The following CAB39L variants were observed in gnomAD, a reference collection of about 807,000 sequenced individuals.
The protein encoded by CAB39L is calcium binding protein 39 like.
In CAB39L, 23 loss-of-function variants were observed where a neutral mutation model predicts 39.1. That is an observed-to-expected ratio of 0.59 (90% CI 0.42 to 0.83). The LOEUF is 0.83. Among genes scored for constraint, CAB39L ranks in the 40% least tolerant of loss-of-function variants. The pLI, the probability that CAB39L is intolerant of heterozygous loss-of-function variation, is 0.00. For missense variants in CAB39L, 366 were observed against 391.9 expected (o/e 0.93, Z 0.56); for synonymous variants, 126 against 137.2 (o/e 0.92, Z 0.57).
chr13:49,334,619 C>T (rs568225715), intron 9 of CAB39L, among the ~76,000 whole-genome samples: 4 of 152,136 alleles, frequency 2.6e-5, no homozygotes, highest in Non-Finnish European at 5.9e-5. Context: ...TATTTGTGAC[C>T]CTGTTTAAAG....
At chr13:49,319,174 G>T (rs780594413) in intron 10 of CAB39L, among the ~76,000 whole-genome samples, 2 of 152,076 alleles carry the variant, frequency 1.3e-5, no homozygotes, top group African/African-American at 2.4e-5. Flanking sequence ...AACCTGGGAG[G>T]TAGAGGTTGC....
chr13:49,377,223 T>A (rs1956094349), intron 4 of CAB39L, 92 bp from the exon 5 acceptor site: 6 of 1,000,206 alleles, frequency 6.0e-6, no homozygotes, highest in Non-Finnish European at 8.9e-6. Context: ...CACTTCTTGG[T>A]CTTGGGCTCT....
intron 4 of CAB39L, among the ~76,000 whole-genome samples, chr13:49,381,510 AC>A (rs1956253270): frequency 6.6e-6 from 1 of 152,212 alleles, no homozygotes; most frequent in South Asian, 2.1e-4. Context: ...CTTGTGACAA[AC>A]ATGTCTTTAC....
intron 3 of CAB39L, among the ~76,000 whole-genome samples, chr13:49,393,891 T>A (rs1430592537): frequency 6.6e-6 from 1 of 151,828 alleles, no homozygotes; most frequent in African/African-American, 2.4e-5. Flanking sequence ...ATGAAAAGTG[T>A]TATAAAGTAC....
chr13:49,330,008 C>T (rs1184808085), intron 10 of CAB39L, among the ~76,000 whole-genome samples: 1 of 152,086 alleles, frequency 6.6e-6, no homozygotes, highest in Non-Finnish European at 1.5e-5. Flanking sequence ...TTGAGTCAGA[C>T]AGACCAAGCT....
At chr13:49,342,170 A>G (rs1232709194) in intron 8 of CAB39L, among the ~76,000 whole-genome samples, 1 of 152,184 alleles carries the variant, frequency 6.6e-6, no homozygotes, top group African/African-American at 2.4e-5. Flanking sequence ...TGTCTAGGAT[A>G]TAAATGATTC....
At chr13:49,339,856 C>A in intron 8 of CAB39L, 114 bp from the exon 9 acceptor site, 2 of 1,228,940 alleles carry the variant, frequency 1.6e-6, no homozygotes, top group Non-Finnish European at 2.1e-6. Context: ...ATTTTACCAT[C>A]CTTCTTTACA....
At chr13:49,403,326 C>T (rs9285172) in intron 3 of CAB39L, among the ~76,000 whole-genome samples, 44,852 of 151,596 alleles carry the variant, frequency 0.3, 6,689 homozygotes, top group African/African-American at 0.34. Context: ...AAGTAAGCCC[C>T]GAAAGGATCG....
At chr13:49,326,162 G>A (rs1331033492) in intron 10 of CAB39L, among the ~76,000 whole-genome samples, 3 of 152,154 alleles carry the variant, frequency 2.0e-5, no homozygotes, top group Non-Finnish European at 4.4e-5. Flanking sequence ...GGGGCAACAC[G>A]GCCCTTTGCT....
rs1401111964 is a variant in CAB39L, at chr13:49,361,177, G to GA, written c.277-1346dup. ...CACTTCAACGTCTCCCTTTTGCTTA[G>GA]AAAAAAGTCCAATACAAAAAGGCCA... On this transcript the variant is annotated intron_variant, in intron 5 of 10. Coordinates refer to ENST00000409308, the MANE Select transcript of CAB39L (RefSeq NM_001079670.3). Among the ~76,000 whole-genome samples the GA allele has an allele frequency of 4.6e-5, 7 of 152,084 alleles. No individual in the cohort carries two copies. In the East Asian group the frequency reaches 9.7e-4, roughly 21 times the overall value.
At position 49,350,754 on chromosome 13, in the gene CAB39L, G is replaced by T; in HGVS notation, c.554C>A (p.Ala185Asp). The T allele has an allele frequency of 6.4e-7, 1 of 1,555,906 alleles. No homozygotes were observed. The highest frequency in any genetic ancestry group is 8.7e-7 in the Non-Finnish European group (1 of 1,148,750). The change falls in exon 7 of 11, where the codon GCT (alanine) becomes GAT (aspartate). Residue 185 changes from alanine (A) to aspartate (D), a missense_variant. Transcript: ENST00000409308. ...GAAAAAAAAAATTACCTTGAAAGTA[G>T]CAAAGGCATCTGAAGCAATATCAAA... ...STFDIASDAF[A>D]TFKDLLTRHK...
chr13:49,319,482 C>T (rs1954286271), intron 10 of CAB39L, among the ~76,000 whole-genome samples: 1 of 151,948 alleles, frequency 6.6e-6, no homozygotes, highest in African/African-American at 2.4e-5. Flanking sequence ...TACAGGGTTT[C>T]CTTTTGGGAT....
At chr13:49,390,576 T>TG (rs1014637991) in intron 3 of CAB39L, among the ~76,000 whole-genome samples, 1 of 152,048 alleles carries the variant, frequency 6.6e-6, no homozygotes, top group Non-Finnish European at 1.5e-5. Flanking sequence ...GAGCAAACCC[T>TG]GGGGGGGATG....
intron 7 of CAB39L, among the ~76,000 whole-genome samples, chr13:49,346,389 A>G (rs1955179539): frequency 6.6e-6 from 1 of 150,820 alleles, no homozygotes; most frequent in African/African-American, 2.4e-5. Context: ...CCAAGAAGGA[A>G]AAGACAGAAA....
At chr13:49,342,625 C>A (rs1955037780) in intron 8 of CAB39L, among the ~76,000 whole-genome samples, 1 of 152,070 alleles carries the variant, frequency 6.6e-6, no homozygotes, top group African/African-American at 2.4e-5. Context: ...TGTAAAAATG[C>A]CAAAAATCCC....
intron 3 of CAB39L, among the ~76,000 whole-genome samples, chr13:49,408,905 T>C (rs1009610457): frequency 6.6e-6 from 1 of 152,042 alleles, no homozygotes; most frequent in Non-Finnish European, 1.5e-5. Flanking sequence ...TATGTTATCG[T>C]GTGACCAAAA....
intron 6 of CAB39L, among the ~76,000 whole-genome samples, chr13:49,352,747 A>AAAAAT (rs1459547195): frequency 1.3e-5 from 2 of 152,162 alleles, no homozygotes; most frequent in South Asian, 2.1e-4. Flanking sequence ...CTCCAAAAAT[A>AAAAAT]AAAATAAAAT....
At chr13:49,422,683 A>C (rs1957188090) in intron 3 of CAB39L, among the ~76,000 whole-genome samples, 1 of 151,532 alleles carries the variant, frequency 6.6e-6, no homozygotes, top group Non-Finnish European at 1.5e-5. Context: ...TCCCAGGTTC[A>C]GTGATCCTCC....
At chr13:49,431,054 G>T (rs114735769) in intron 3 of CAB39L, among the ~76,000 whole-genome samples, 2 of 152,124 alleles carry the variant, frequency 1.3e-5, no homozygotes, top group Non-Finnish European at 1.5e-5. Flanking sequence ...TATTTAAAGC[G>T]TACAACTCAA....
Sources: gnomAD v4.1 joint callset for allele counts (sites outside exome capture counted in the v4.1 genomes callset) on GRCh38, gnomAD v4.1.1 for gene constraint, MANE v1.5 for transcripts, NCBI Gene and HGNC (gene_info 2026-07-23, HGNC 2026-07-21) for gene names.